SLC22A4: variants seen among roughly 807,000 people sequenced by gnomAD.
SLC22A4 encodes ET transporter.
In SLC22A4, 39 loss-of-function variants were observed where a neutral mutation model predicts 56.6. The observed-to-expected ratio is 0.69, with a 90% CI of 0.53 to 0.90. The LOEUF (loss-of-function observed/expected upper bound fraction) is 0.90, where lower values mean the gene tolerates loss of function less well. Ranked by LOEUF, SLC22A4 falls within the 40% of genes least tolerant of loss-of-function variation. The pLI is 0.00. For synonymous variants in SLC22A4, 241 were observed against 281.4 expected (o/e 0.86, Z 1.44); for missense variants, 594 against 696.5 (o/e 0.85, Z 1.66).
intron 9 of SLC22A4, among the ~76,000 whole-genome samples, chr5:132,343,312 T>C (rs994041561): frequency 6.6e-6 from 1 of 152,222 alleles, no homozygotes. Context: ...ATATGGGATA[T>C]TTCATACGGC....
rs1247556593 is a variant in SLC22A4, at chr5:132,295,090, G to A, written c.393+81G>A. On this transcript the variant is annotated intron_variant, in intron 1 of 9. Transcript: ENST00000200652. ...AGCCCCCCTTGAGACTCCCTGCGCA[G>A]TGCCCGGGTCAGCGCTCCCCTCCCC... is the stretch of plus-strand genomic sequence containing the variant. The A allele has an allele frequency of 6.8e-6, 10 of 1,464,204 alleles. No homozygotes were observed. In the African/African-American group the frequency reaches 9.8e-5, roughly 14 times the overall value. 90.7% of individuals were successfully genotyped at this position (1,464,204 alleles called of 1,614,324 possible).
chr5:132,300,095 T>G (rs1264397249), intron 1 of SLC22A4, among the ~76,000 whole-genome samples: 1 of 152,220 alleles, frequency 6.6e-6, no homozygotes, highest in African/African-American at 2.4e-5. Flanking sequence ...TTTTTATGAG[T>G]ATTTTGATGA....
In SLC22A4 at chr5:132,294,871, G is replaced by A; in HGVS notation, c.255G>A (p.Arg85=). The A allele has an allele frequency of 6.2e-7, 1 of 1,603,642 alleles. No homozygotes were observed. Among genetic ancestry groups the A allele is most frequent in the Non-Finnish European group, 8.5e-7 (1 of 1,176,542 alleles). ...REVPHSCSRY[R]LATIANFSAL... ...TGCCCCACAGCTGCAGCCGCTACCG[G>A]CTCGCCACCATCGCCAACTTCTCGG... is the stretch of plus-strand genomic sequence containing the variant. Residue 85 remains arginine, a synonymous_variant, in exon 1 of 10, where the codon CGG becomes CGA. Transcript: ENST00000200652. This position sits in a 1 kb window ranked among gnomAD's most constrained non-coding sequence, Gnocchi z 5.6.
chr5:132,314,313 C>T (rs539753038), intron 3 of SLC22A4, among the ~76,000 whole-genome samples: 1 of 152,312 alleles, frequency 6.6e-6, no homozygotes, highest in African/African-American at 2.4e-5. Flanking sequence ...CCTCCCCACA[C>T]TGATAGCCCC....
intron 4 of SLC22A4, among the ~76,000 whole-genome samples, chr5:132,325,016 A>G (rs1750650602): frequency 1.3e-5 from 2 of 152,120 alleles, no homozygotes; most frequent in African/African-American, 4.8e-5. Flanking sequence ...CTTGGCAGTA[A>G]GTGGCCACAG....
intron 4 of SLC22A4, among the ~76,000 whole-genome samples, chr5:132,324,181 A>G (rs1257765941): frequency 6.6e-6 from 1 of 151,992 alleles, no homozygotes; most frequent in Non-Finnish European, 1.5e-5. Context: ...ATAGAATGAG[A>G]TGCTGTCTCA....
intron 4 of SLC22A4, among the ~76,000 whole-genome samples, chr5:132,322,977 G>A (rs1410597120): frequency 6.6e-6 from 1 of 152,074 alleles, no homozygotes; most frequent in Non-Finnish European, 1.5e-5. Context: ...ACTATCTGGG[G>A]GATTTCAGGT....
At chr5:132,315,726 G>A (rs1395177115) in intron 3 of SLC22A4, among the ~76,000 whole-genome samples, 1 of 152,196 alleles carries the variant, frequency 6.6e-6, no homozygotes, top group Admixed American at 6.5e-5. Context: ...TATCAGCTGG[G>A]ATCCAGGCCT....
chr5:132,336,062 T>C, intron 8 of SLC22A4, 62 bp downstream of exon 8: 1 of 1,536,342 alleles, frequency 6.5e-7, no homozygotes, highest in South Asian at 1.1e-5. Context: ...AAAGTAAGAT[T>C]TTCATTGTGA....
chr5:132,318,504 G>C (rs1750430794), intron 3 of SLC22A4, among the ~76,000 whole-genome samples: 1 of 152,112 alleles, frequency 6.6e-6, no homozygotes, highest in Admixed American at 6.5e-5. Flanking sequence ...CTACAGTCTT[G>C]TTTCTTGAGC....
At chr5:132,301,644 C>T (rs1250610375) in intron 1 of SLC22A4, among the ~76,000 whole-genome samples, 2 of 152,184 alleles carry the variant, frequency 1.3e-5, no homozygotes, top group Non-Finnish European at 2.9e-5. Flanking sequence ...CCCCTGCTAA[C>T]GGGGAACTTC....
intron 1 of SLC22A4, among the ~76,000 whole-genome samples, chr5:132,302,992 G>A (rs1159785138): frequency 2.6e-5 from 4 of 152,222 alleles, no homozygotes; most frequent in Admixed American, 6.5e-5. Context: ...ATGAAAATAT[G>A]AGTAGAAGAA....
intron 9 of SLC22A4, among the ~76,000 whole-genome samples, chr5:132,341,960 C>T (rs567932410): frequency 6.6e-6 from 1 of 151,640 alleles, no homozygotes; most frequent in African/African-American, 2.4e-5. Flanking sequence ...AAAAAAAACA[C>T]ATCAAGATAA....
chr5:132,343,350 T>C (rs1418536150), intron 9 of SLC22A4, among the ~76,000 whole-genome samples: 1 of 152,224 alleles, frequency 6.6e-6, no homozygotes, highest in African/African-American at 2.4e-5. Flanking sequence ...AGATAAAGTG[T>C]TCCCAGTGCC....
chr5:132,343,696 T>A, intron 9 of SLC22A4, 64 bp from the exon 10 acceptor site: 1 of 975,108 alleles, frequency 1.0e-6, no homozygotes, highest in African/African-American at 1.6e-5. Context: ...TCAATTTGGA[T>A]GGAGCATTTT....
At chr5:132,335,103 T>A (rs1014411976) in intron 7 of SLC22A4, among the ~76,000 whole-genome samples, 171 bp downstream of exon 7, 3 of 152,204 alleles carry the variant, frequency 2.0e-5, no homozygotes, top group Non-Finnish European at 2.9e-5. Flanking sequence ...TCAAAACAAC[T>A]ACCCCAAACA....
At chr5:132,311,897 G>A (rs13179900) in intron 1 of SLC22A4, 45,962 of 553,826 alleles carry the variant, frequency 0.083, 2,820 homozygotes, top group East Asian at 0.29. Context: ...TAATGCGAGC[G>A]GAGTAGGAGC....
intron 9 of SLC22A4, among the ~76,000 whole-genome samples, chr5:132,341,190 C>T (rs1179796211): frequency 6.6e-6 from 1 of 152,010 alleles, no homozygotes; most frequent in Non-Finnish European, 1.5e-5. Context: ...GAGGCTGAGG[C>T]AGGCGGATCA....
In SLC22A4 at chr5:132,313,648, G is replaced by A; in HGVS notation, c.532G>A (p.Ala178Thr). 6.2e-7 allele frequency: 1 copy of A among 1,614,194 alleles called. No homozygotes were observed. The highest frequency in any genetic ancestry group is 1.1e-5 in the South Asian group (1 of 91,088). The change falls in exon 3 of 10, where the codon GCT (alanine) becomes ACT (threonine). Residue 178 changes from alanine to threonine, a missense_variant. Transcript: ENST00000200652. Reference sequence around the variant, plus strand: ...GAAGAACGTTCTCTTCGCAACCATGGCTGTACAGACTGGCTTCAGCTTCCT... The same window carrying A: ...GAAGAACGTTCTCTTCGCAACCATGACTGTACAGACTGGCTTCAGCTTCCT... ...GRKNVLFATMAVQTGFSFLQI... is the reference protein window; with the variant it reads ...GRKNVLFATMTVQTGFSFLQI...
Sources: allele counts gnomAD v4.1 joint callset (sites outside exome capture counted in the v4.1 genomes callset), GRCh38; gene constraint gnomAD v4.1.1; non-coding constraint Gnocchi (gnomAD v3.1); transcripts MANE v1.5; gene names NCBI Gene and HGNC (gene_info 2026-07-23, HGNC 2026-07-21).